MMP16: variants seen among roughly 807,000 people sequenced by gnomAD.
MMP16 encodes the protein matrix metallopeptidase 16, also known as matrix metalloproteinase-16.
In MMP16, 12 loss-of-function variants were observed where a neutral mutation model predicts 67.8. The observed-to-expected ratio is 0.18, with a 90% CI of 0.11 to 0.29. MMP16 has a LOEUF of 0.29. Among genes scored for constraint, MMP16 ranks in the 10% least tolerant of loss-of-function variants. MMP16 has a pLI of 1.00. For missense variants in MMP16, 475 were observed against 765.7 expected, an observed-to-expected ratio of 0.62 and a Z score of 4.48; for synonymous variants, 249 against 255.9, an observed-to-expected ratio of 0.97 and a Z score of 0.26.
chr8:88,068,980 G>T (rs911372046), intron 7 of MMP16, among the ~76,000 whole-genome samples: 1 of 152,258 alleles, frequency 6.6e-6, no homozygotes, highest in South Asian at 2.1e-4. Flanking sequence ...GGGATCACAG[G>T]CGTGAGCCAC....
chr8:88,056,028 C>T, intron 8 of MMP16, 100 bp downstream of exon 8: 1 of 899,378 alleles, frequency 1.1e-6, no homozygotes. Flanking sequence ...GTTAAATCCA[C>T]CAGGATTCTT....
chr8:88,093,086 T>C (rs948527982), intron 6 of MMP16, among the ~76,000 whole-genome samples: 9 of 151,886 alleles, frequency 5.9e-5, no homozygotes, highest in African/African-American at 2.2e-4. Context: ...AAAAAGGATA[T>C]AAAAAAGCAG....
At chr8:88,084,304 T>C (rs1378623809) in intron 6 of MMP16, among the ~76,000 whole-genome samples, 1 of 151,952 alleles carries the variant, frequency 6.6e-6, no homozygotes, top group Non-Finnish European at 1.5e-5. Flanking sequence ...CAAAACTTGT[T>C]AGGCCAAGTT....
At position 88,037,354 on chromosome 8, in the gene MMP16, A is replaced by T. The variant is rs1251216816; in HGVS notation, c.*4107T>A. 1 of 151,744 alleles carries T rather than the reference A, an allele frequency of 6.6e-6. No homozygotes were observed. Among genetic ancestry groups the T allele is most frequent in the Non-Finnish European group, 1.5e-5 (1 of 67,826 alleles). The allele number at this position is 151,744 out of a possible 1,614,324, so 9.4% of individuals were successfully genotyped here. A position where few individuals can be genotyped will look rare whatever the true frequency, so the allele number is the denominator to read the frequency against. ...ATTATAGGTAATTATTAAAGGTAAC[A>T]CTTGCTTATGTGTTAACAAAAAAAG... On this transcript the variant is annotated 3_prime_UTR_variant, in exon 10 of 10. Transcript: ENST00000286614.
At chr8:88,233,929 C>A (rs1225906235) in intron 1 of MMP16, among the ~76,000 whole-genome samples, 1 of 152,182 alleles carries the variant, frequency 6.6e-6, no homozygotes, top group Non-Finnish European at 1.5e-5. Flanking sequence ...AGTTATTTCA[C>A]AATGATAATT....
chr8:88,188,557 T>A (rs567268563), intron 2 of MMP16, among the ~76,000 whole-genome samples: 1 of 152,274 alleles, frequency 6.6e-6, no homozygotes, highest in East Asian at 1.9e-4. Context: ...ATTACTTTAG[T>A]ATGTATAAAA....
At chr8:88,122,875 C>A (rs1807862470) in intron 4 of MMP16, among the ~76,000 whole-genome samples, 1 of 151,530 alleles carries the variant, frequency 6.6e-6, no homozygotes, top group Non-Finnish European at 1.5e-5. Flanking sequence ...ACATCCATGA[C>A]TTCCATCTTA....
At chr8:88,289,676 T>G (rs1007410115) in intron 1 of MMP16, among the ~76,000 whole-genome samples, 7 of 137,466 alleles carry the variant, frequency 5.1e-5, no homozygotes, top group African/African-American at 1.4e-4. Flanking sequence ...ACTGAACTGC[T>G]ACTCCTAGAG....
At chr8:88,073,341 G>C (rs1808593497) in intron 7 of MMP16, among the ~76,000 whole-genome samples, 1 of 152,194 alleles carries the variant, frequency 6.6e-6, no homozygotes, top group Non-Finnish European at 1.5e-5. Flanking sequence ...AGCAGGAATA[G>C]CTGGCATTTA....
intron 6 of MMP16, among the ~76,000 whole-genome samples, chr8:88,093,570 T>G (rs1586147512): frequency 6.6e-6 from 1 of 151,930 alleles, no homozygotes; most frequent in South Asian, 2.1e-4. Context: ...TAGAAAGCAA[T>G]TCTGATTTAC....
chr8:88,037,029 C>G lies in MMP16; in HGVS notation c.*4432G>C, dbSNP rs894135958. ...GTCTGTCTGCTTATAACATCCATTCCTCTTCAGATAGCACTTTGAGTTTAG... is the reference window on the plus strand; with the variant it reads ...GTCTGTCTGCTTATAACATCCATTCGTCTTCAGATAGCACTTTGAGTTTAG... On this transcript the variant is annotated 3_prime_UTR_variant, in exon 10 of 10. Transcript: ENST00000286614. The G allele has an allele frequency of 6.6e-6, 1 of 150,842 alleles. No homozygotes were observed. The highest frequency in any genetic ancestry group is 1.5e-5 in the Non-Finnish European group (1 of 67,584). The allele number at this position is 150,842 out of a possible 1,614,324, so 9.3% of individuals were successfully genotyped here.
rs1033163838 is a variant in MMP16, at chr8:88,038,584, T to G, written c.*2877A>C. 6.6e-6 allele frequency: 1 copy of G among 152,580 alleles called. No homozygotes were observed. The highest frequency in any genetic ancestry group is 2.4e-5 in the African/African-American group (1 of 41,466). 9.5% of individuals were successfully genotyped at this position (152,580 alleles called of 1,614,324 possible). A position where few individuals can be genotyped will look rare whatever the true frequency, so the allele number is the denominator to read the frequency against. On this transcript the variant is annotated 3_prime_UTR_variant, in exon 10 of 10. Transcript: ENST00000286614. This position sits in a 1 kb window ranked among gnomAD's most constrained non-coding sequence, Gnocchi z 4.1. ...TCAATGATTTGCACATGTCCCAAAA[T>G]GACACAGTTCCTCATTTCTATCTTT... is the stretch of plus-strand genomic sequence containing the variant.
intron 7 of MMP16, among the ~76,000 whole-genome samples, chr8:88,070,847 A>G (rs1295435866): frequency 6.6e-6 from 1 of 151,870 alleles, no homozygotes; most frequent in Non-Finnish European, 1.5e-5. Context: ...TAATTTGTCA[A>G]TTTTTTCCTT....
At position 88,209,001 on chromosome 8, in the gene MMP16, C is replaced by T. The variant is rs116312590; in HGVS notation, c.133-11695G>A. On this transcript the variant is annotated intron_variant, in intron 1 of 9. Coordinates refer to ENST00000286614, the MANE Select transcript of MMP16 (RefSeq NM_005941.5). ...ATGAGGAAGAAGACGTAAAAGAAGC[C>T]GTGCTGGAAAACAAACTGATATTAG... 6.5e-3 allele frequency among the ~76,000 whole-genome samples: 980 copies of T among 151,908 alleles called. 7 individuals are homozygous for T. Among genetic ancestry groups the T allele is most frequent in the Middle Eastern group, 0.024 (7 of 294 alleles).
intron 1 of MMP16, among the ~76,000 whole-genome samples, chr8:88,243,407 T>C (rs1360309474): frequency 6.6e-6 from 1 of 152,160 alleles, no homozygotes; most frequent in Non-Finnish European, 1.5e-5. Context: ...CGCCAGCTCC[T>C]GGTCCCCACA....
At chr8:88,247,105 C>T (rs893009370) in intron 1 of MMP16, among the ~76,000 whole-genome samples, 13 of 152,110 alleles carry the variant, frequency 8.5e-5, no homozygotes, top group Middle Eastern at 3.4e-3. Context: ...CTCCAAGAAC[C>T]GCAGAGCCAT....
chr8:88,240,811 C>T (rs903758262), intron 1 of MMP16, among the ~76,000 whole-genome samples: 3 of 152,006 alleles, frequency 2.0e-5, no homozygotes, highest in Admixed American at 2.0e-4. Context: ...TTCATGCATG[C>T]TTTCTATTTT....
chr8:88,170,671 A>T (rs1192167972), intron 3 of MMP16, among the ~76,000 whole-genome samples: 1 of 152,130 alleles, frequency 6.6e-6, no homozygotes, highest in Non-Finnish European at 1.5e-5. Context: ...ATAATTTCAG[A>T]TGGTGAGGGG....
intron 1 of MMP16, among the ~76,000 whole-genome samples, chr8:88,204,367 G>A (rs28905769): frequency 0.032 from 4,860 of 151,986 alleles, 98 homozygotes; most frequent in Middle Eastern, 0.051. Flanking sequence ...GATCCTGTGT[G>A]GTGTCATTTT....
Sources: gnomAD v4.1 joint callset for allele counts (sites outside exome capture counted in the v4.1 genomes callset) on GRCh38, gnomAD v4.1.1 for gene constraint, Gnocchi (gnomAD v3.1) non-coding constraint, MANE v1.5 for transcripts, NCBI Gene and HGNC (gene_info 2026-07-23, HGNC 2026-07-21) for gene names.